The following ATP2B4 variants were observed in gnomAD, a reference collection of about 807,000 sequenced individuals.
The protein encoded by ATP2B4 is ATPase plasma membrane Ca2+ transporting 4, also known as plasma membrane calcium-transporting ATPase 4.
In ATP2B4, 39 loss-of-function variants were observed where a neutral mutation model predicts 110.3. The ratio of observed to expected loss-of-function variants is 0.35; its 90% confidence interval spans 0.27 to 0.46. The LOEUF (loss-of-function observed/expected upper bound fraction) is 0.46, where lower values mean the gene tolerates loss of function less well. Among genes scored for constraint, ATP2B4 ranks in the 20% least tolerant of loss-of-function variants. The probability of loss-of-function intolerance (pLI) is 1.00; values close to 1 mark genes in which losing one functional copy is unlikely to be tolerated. For missense variants in ATP2B4, 1,135 were observed against 1,530.9 expected, an observed-to-expected ratio of 0.74 and a Z score of 4.32; for synonymous variants, 538 against 571.7, an observed-to-expected ratio of 0.94 and a Z score of 0.84.
At chr1:203,672,378 G>C (rs1664699088) in intron 1 of ATP2B4, among the ~76,000 whole-genome samples, 1 of 131,316 alleles carries the variant, frequency 7.6e-6, no homozygotes, top group Non-Finnish European at 1.5e-5. Context: ...AGGGGGTTGG[G>C]AAAAGAAAAC....
chr1:203,673,899 T>C (rs1459219042), intron 1 of ATP2B4, among the ~76,000 whole-genome samples: 4 of 152,200 alleles, frequency 2.6e-5, no homozygotes, highest in Non-Finnish European at 5.9e-5. Flanking sequence ...AGATGACCCC[T>C]CTCCATAAGC....
In ATP2B4 at chr1:203,727,704, A is replaced by T. The variant is rs564156171; in HGVS notation, c.3309+133A>T. The T allele has an allele frequency of 3.0e-5, 33 of 1,113,042 alleles. 1 individual carries two copies. In the South Asian group the frequency reaches 4.9e-4, roughly 17 times the overall value. The allele number at this position is 1,113,042 out of a possible 1,614,324, so 68.9% of individuals were successfully genotyped here. On this transcript the variant is annotated intron_variant, in intron 20 of 20. Coordinates refer to ENST00000357681, the MANE Select transcript of ATP2B4 (RefSeq NM_001684.5). ...GCTCACTACTGATGGGCAGCCCTAG[A>T]TCCTCAGCTTCAGGACAGACACGCA...
At chr1:203,650,474 C>T (rs759815075) in intron 1 of ATP2B4, among the ~76,000 whole-genome samples, 1 of 152,196 alleles carries the variant, frequency 6.6e-6, no homozygotes, top group Non-Finnish European at 1.5e-5. Context: ...CAGGTGGAGT[C>T]GGCCCGCCTT....
rs1023983651 is a variant in ATP2B4 at position 203,739,711 on chromosome 1, G to C, written c.3475G>C (p.Ala1159Pro). ...DEEEEENPDK[A>P]SKFGTRVLLL... ...GGAAGAGGAGGAAAATCCTGACAAG[G>C]CTTCTAAGTTTGGGACTAGGGTGCT... The change falls in exon 21 of 21, where the codon GCT (alanine) becomes CCT (proline). Residue 1159 changes from alanine to proline, a missense_variant. Ala to Pro is a conservative substitution (Grantham distance 27, BLOSUM62 -1). This residue lies in a region of ATP2B4 where 92 missense variants were observed against 82.5 expected (regional missense o/e 1.11). Transcript: ENST00000357681. The C allele has an allele frequency of 1.2e-6, 2 of 1,614,012 alleles. No homozygotes were observed. Among genetic ancestry groups the C allele is most frequent in the Admixed American group, 1.7e-5 (1 of 60,006 alleles).
At chr1:203,668,118 T>C (rs1571700993) in intron 1 of ATP2B4, among the ~76,000 whole-genome samples, 1 of 152,076 alleles carries the variant, frequency 6.6e-6, no homozygotes, top group Non-Finnish European at 1.5e-5. Context: ...TCACCAGGGG[T>C]TGGATTTTAG....
At chr1:203,703,561 A>G (rs778327609) in intron 7 of ATP2B4, 91 bp from the exon 8 acceptor site, 40 of 1,439,274 alleles carry the variant, frequency 2.8e-5, no homozygotes, top group Non-Finnish European at 3.4e-5. Flanking sequence ...ATTCCGGGAA[A>G]GAGACAGGAA....
intron 1 of ATP2B4, among the ~76,000 whole-genome samples, chr1:203,651,901 T>TA (rs1245839311): frequency 2.7e-5 from 4 of 149,556 alleles, no homozygotes; most frequent in East Asian, 2.0e-4. Flanking sequence ...CTACTAAAAA[T>TA]AAAAAAAAAT....
intron 1 of ATP2B4, among the ~76,000 whole-genome samples, chr1:203,670,000 A>C (rs1664614775): frequency 6.6e-6 from 1 of 152,134 alleles, no homozygotes; most frequent in South Asian, 2.1e-4. Flanking sequence ...GTCTCTTTCA[A>C]CAATGAGCCC....
At chr1:203,707,472 A>C (rs917623491) in intron 9 of ATP2B4, among the ~76,000 whole-genome samples, 7 of 151,038 alleles carry the variant, frequency 4.6e-5, no homozygotes, top group Non-Finnish European at 1.0e-4. Flanking sequence ...TTTAAGACAG[A>C]GTCTCATTCT....
intron 1 of ATP2B4, among the ~76,000 whole-genome samples, chr1:203,645,627 T>C (rs1212696117): frequency 2.0e-5 from 3 of 150,600 alleles, no homozygotes; most frequent in African/African-American, 7.3e-5. Context: ...AATCTTACTC[T>C]GTCACCCAGG....
rs1663206662 is a variant in ATP2B4 at position 203,629,753 on chromosome 1, G to A, written c.-465+2534G>A. ...GGCTTCCTGCCTCCCAGGTTGTGCCGAGCCTCAGACCCTTCTCCCTTCCAT... is the reference window on the plus strand; with the variant it reads ...GGCTTCCTGCCTCCCAGGTTGTGCCAAGCCTCAGACCCTTCTCCCTTCCAT... On this transcript the variant is annotated intron_variant, in intron 1 of 20. Transcript: ENST00000357681. The surrounding 1 kb of genome is among the most constrained non-coding windows in gnomAD (Gnocchi z 4.6). Among the ~76,000 whole-genome samples the A allele has an allele frequency of 1.3e-5, 2 of 152,284 alleles. No homozygotes were observed. Among genetic ancestry groups the A allele is most frequent in the Middle Eastern group, 3.4e-3 (1 of 294 alleles).
At chr1:203,724,140 C>A in intron 19 of ATP2B4, 152 bp downstream of exon 19, 1 of 614,016 alleles carries the variant, frequency 1.6e-6, no homozygotes, top group Non-Finnish European at 2.7e-6. Flanking sequence ...TTTTCAAGTT[C>A]TTGCCATCTC....
At chr1:203,721,517 T>G (rs1666331475) in intron 17 of ATP2B4, 107 bp downstream of exon 17, 1 of 1,141,264 alleles carries the variant, frequency 8.8e-7, no homozygotes, top group Admixed American at 2.0e-5. Flanking sequence ...AAGCGCAGCT[T>G]CACCTCCCAG....
chr1:203,702,198 C>T, intron 7 of ATP2B4, 119 bp downstream of exon 7: 1 of 1,305,594 alleles, frequency 7.7e-7, no homozygotes, highest in South Asian at 1.3e-5. Context: ...TGCTGTGGCT[C>T]AGATGCCTCA....
At chr1:203,706,945 T>C in intron 8 of ATP2B4, 64 bp from the exon 9 acceptor site, 3 of 1,406,668 alleles carry the variant, frequency 2.1e-6, no homozygotes, top group East Asian at 2.3e-5. Flanking sequence ...TGCCAATCTA[T>C]CTCTGGCTAG....
chr1:203,687,139 G>C, intron 2 of ATP2B4, among the ~76,000 whole-genome samples: 1 of 151,758 alleles, frequency 6.6e-6, no homozygotes, highest in East Asian at 1.9e-4. Flanking sequence ...TTCTGGAACT[G>C]GGGAGACGGT....
At chr1:203,660,586 G>A (rs1664308426) in intron 1 of ATP2B4, among the ~76,000 whole-genome samples, 1 of 152,094 alleles carries the variant, frequency 6.6e-6, no homozygotes, top group African/African-American at 2.4e-5. Flanking sequence ...CAGATCGTGA[G>A]GTCAAGAGAT....
At chr1:203,691,115 C>T (rs956647124) in intron 2 of ATP2B4, among the ~76,000 whole-genome samples, 7 of 152,160 alleles carry the variant, frequency 4.6e-5, no homozygotes, top group African/African-American at 1.4e-4. Flanking sequence ...GGGATCTTCA[C>T]GAGGAGAGTA....
chr1:203,637,885 C>T (rs1356243142), intron 1 of ATP2B4, among the ~76,000 whole-genome samples: 2 of 152,202 alleles, frequency 1.3e-5, no homozygotes, highest in South Asian at 2.1e-4. Context: ...AAATACTGGC[C>T]CTATTCATCC....
Sources: gnomAD v4.1 joint callset for allele counts (sites outside exome capture counted in the v4.1 genomes callset) on GRCh38, gnomAD v4.1.1 for gene constraint, gnomAD v4.1.1 regional missense constraint, Gnocchi (gnomAD v3.1) non-coding constraint, MANE v1.5 for transcripts, NCBI Gene and HGNC (gene_info 2026-07-23, HGNC 2026-07-21) for gene names.